GSG1L: variants seen among roughly 807,000 people sequenced by gnomAD.
GSG1L encodes the protein GSG1 like.
Under a neutral mutation model 42.1 loss-of-function variants are expected in GSG1L, and 24 were observed. The ratio of observed to expected loss-of-function variants is 0.57; its 90% confidence interval spans 0.41 to 0.80. The LOEUF is 0.80. Ranked by LOEUF, GSG1L falls within the 30% of genes least tolerant of loss-of-function variation. The pLI, the probability that GSG1L is intolerant of heterozygous loss-of-function variation, is 0.00. For missense variants in GSG1L, 445 were observed against 472.2 expected, an observed-to-expected ratio of 0.94 and a Z score of 0.53; for synonymous variants, 215 against 203.5, an observed-to-expected ratio of 1.06 and a Z score of -0.48.
chr16:27,906,516 C>A (rs2084322919), intron 2 of GSG1L, among the ~76,000 whole-genome samples: 1 of 152,148 alleles, frequency 6.6e-6, no homozygotes, highest in Non-Finnish European at 1.5e-5. Flanking sequence ...GTTAGTGTGT[C>A]CAGCATCCTG....
chr16:28,016,200 G>A lies in GSG1L; in HGVS notation c.349+46876C>T, dbSNP rs181395823. Among the ~76,000 whole-genome samples, 109 of 152,212 alleles carry A rather than the reference G, an allele frequency of 7.2e-4. 1 individual carries two copies. In the Middle Eastern group the frequency reaches 0.01, roughly 14 times the overall value. On this transcript the variant is annotated intron_variant, in intron 1 of 6. Coordinates refer to ENST00000447459, the MANE Select transcript of GSG1L (RefSeq NM_001109763.2). ...AGATGGGTTTCGCCATGTTGACCAG[G>A]CTGGTCTTGAACTCCTGACCTCAGG...
chr16:28,061,799 A>G lies in GSG1L; in HGVS notation c.349+1277T>C, dbSNP rs551013579. 3.3e-5 allele frequency among the ~76,000 whole-genome samples: 5 copies of G among 152,300 alleles called. No homozygotes were observed. In the South Asian group the frequency reaches 6.2e-4, roughly 19 times the overall value. On this transcript the variant is annotated intron_variant, in intron 1 of 6. Coordinates refer to ENST00000447459, the MANE Select transcript of GSG1L (RefSeq NM_001109763.2). ...GGAGCTCACAAGGTTGTCCCTCCTC[A>G]GTATCCTGACATGGAAGGCAGGTGG... is the stretch of plus-strand genomic sequence containing the variant.
intron 4 of GSG1L, among the ~76,000 whole-genome samples, chr16:27,830,433 C>T (rs2140967832): frequency 6.6e-6 from 1 of 152,236 alleles, no homozygotes. Flanking sequence ...CCTGAGCACC[C>T]CAGAAGGAAA....
At chr16:27,866,904 C>T (rs1341485867) in intron 3 of GSG1L, among the ~76,000 whole-genome samples, 1 of 152,078 alleles carries the variant, frequency 6.6e-6, no homozygotes, top group African/African-American at 2.4e-5. Context: ...TACAATGGAG[C>T]ATTTATTAGA....
In GSG1L at chr16:28,020,795, C is replaced by T. The variant is rs142300676; in HGVS notation, c.349+42281G>A. Among the ~76,000 whole-genome samples, 92 of 152,256 alleles carry T rather than the reference C, an allele frequency of 6.0e-4. 1 individual carries two copies. The East Asian group carries it at 6.8e-3, about 11-fold the overall frequency. ...TGTTGTGAGGACGCTCAAGCAGCCC[C>T]GTGGCAAGGTTCATGGGGAAAGGAG... On this transcript the variant is annotated intron_variant, in intron 1 of 6. Transcript: ENST00000447459.
chr16:28,051,306 G>A (rs1248271520), intron 1 of GSG1L, among the ~76,000 whole-genome samples: 1 of 152,170 alleles, frequency 6.6e-6, no homozygotes, highest in Non-Finnish European at 1.5e-5. Context: ...AGAAAGCAGG[G>A]CTCCAGGTTC....
intron 3 of GSG1L, among the ~76,000 whole-genome samples, chr16:27,878,478 C>T (rs1214342635): frequency 2.0e-5 from 3 of 152,194 alleles, no homozygotes; most frequent in African/African-American, 4.8e-5. Context: ...ACTCAGTTAC[C>T]TCTATCTGGT....
chr16:27,789,024 G>A lies in GSG1L; in HGVS notation c.*2346C>T, dbSNP rs1384220240. 4 of 152,250 alleles carry A rather than the reference G, an allele frequency of 2.6e-5. No homozygotes were observed. The highest frequency in any genetic ancestry group is 9.7e-5 in the African/African-American group (4 of 41,442). The allele number at this position is 152,250 out of a possible 1,614,324, so 9.4% of individuals were successfully genotyped here. On this transcript the variant is annotated 3_prime_UTR_variant, in exon 7 of 7. Transcript: ENST00000447459. Reference sequence around the variant, plus strand: ...CAGTGAACTATATCAGTGAATAGATGGATGCACAGCTGGATGGTTGAGTAA... The same window carrying A: ...CAGTGAACTATATCAGTGAATAGATAGATGCACAGCTGGATGGTTGAGTAA...
chr16:27,834,386 A>G (rs1228430931), intron 4 of GSG1L, among the ~76,000 whole-genome samples: 5 of 152,050 alleles, frequency 3.3e-5, no homozygotes, highest in Admixed American at 2.6e-4. Context: ...CATGGTGTCT[A>G]TTAGTCTGCG....
At chr16:27,846,438 T>C (rs1485213949) in intron 3 of GSG1L, among the ~76,000 whole-genome samples, 1 of 152,226 alleles carries the variant, frequency 6.6e-6, no homozygotes. Flanking sequence ...CACAACAGTA[T>C]TTTAATACAA....
At chr16:27,942,147 C>CTTTTTTTT (rs34617355) in intron 2 of GSG1L, among the ~76,000 whole-genome samples, 1 of 115,990 alleles carries the variant, frequency 8.6e-6, no homozygotes, top group African/African-American at 3.4e-5. Context: ...AAAACTTCTT[C>CTTTTTTTT]TTTTTTTTTT....
intron 2 of GSG1L, among the ~76,000 whole-genome samples, chr16:27,908,216 A>C (rs1169659453): frequency 6.6e-6 from 1 of 152,220 alleles, no homozygotes; most frequent in Non-Finnish European, 1.5e-5. Flanking sequence ...GGCAGAACCT[A>C]ATCATCCCAG....
intron 2 of GSG1L, among the ~76,000 whole-genome samples, chr16:27,904,259 G>A (rs988285762): frequency 3.9e-5 from 6 of 151,916 alleles, no homozygotes; most frequent in Non-Finnish European, 7.4e-5. Context: ...TTGTAGAGAT[G>A]GGGTTTGGCT....
chr16:28,032,893 C>T (rs928513218), intron 1 of GSG1L, among the ~76,000 whole-genome samples: 2 of 152,178 alleles, frequency 1.3e-5, no homozygotes, highest in African/African-American at 2.4e-5. Context: ...CCTGTTAACC[C>T]TTCAATATCT....
chr16:27,846,378 G>T (rs986121770), intron 3 of GSG1L, among the ~76,000 whole-genome samples: 1 of 152,060 alleles, frequency 6.6e-6, no homozygotes, highest in Non-Finnish European at 1.5e-5. Flanking sequence ...CTTTTCTGAG[G>T]GCTGGAATAT....
At chr16:27,810,743 A>G (rs1166424628) in intron 5 of GSG1L, among the ~76,000 whole-genome samples, 1 of 151,334 alleles carries the variant, frequency 6.6e-6, no homozygotes, top group Non-Finnish European at 1.5e-5. Flanking sequence ...GCTGGAGTGC[A>G]GTGGTGCGAT....
chr16:27,984,857 A>G (rs551572622), intron 1 of GSG1L, among the ~76,000 whole-genome samples: 1 of 152,188 alleles, frequency 6.6e-6, no homozygotes, highest in Admixed American at 6.5e-5. Flanking sequence ...TCCCAGGATC[A>G]AAGTATCCTA....
intron 1 of GSG1L, among the ~76,000 whole-genome samples, chr16:28,055,073 G>A (rs2086264723): frequency 6.6e-6 from 1 of 152,156 alleles, no homozygotes; most frequent in South Asian, 2.1e-4. Flanking sequence ...CCGAGGGAAG[G>A]TCCAGCCTCC....
At chr16:27,824,238 C>A (rs935420047) in intron 5 of GSG1L, among the ~76,000 whole-genome samples, 1 of 152,234 alleles carries the variant, frequency 6.6e-6, no homozygotes, top group African/African-American at 2.4e-5. Flanking sequence ...ACCAAGAGCT[C>A]TGGATTCTCC....
Sources: allele counts gnomAD v4.1 joint callset (sites outside exome capture counted in the v4.1 genomes callset), GRCh38; gene constraint gnomAD v4.1.1; transcripts MANE v1.5; gene names NCBI Gene and HGNC (gene_info 2026-07-23, HGNC 2026-07-21).